Variants in PSMA6 observed in about 807,000 individuals in gnomAD.
PSMA6 encodes proteasome 20S subunit alpha 6.
For missense variants in PSMA6, 170 were observed against 294.8 expected, an observed-to-expected ratio of 0.58 and a Z score of 3.10; for synonymous variants, 88 against 97.7, an observed-to-expected ratio of 0.90 and a Z score of 0.59.
intron 3 of PSMA6, among the ~76,000 whole-genome samples, chr14:35,309,739 T>C (rs917074858): frequency 1.6e-4 from 24 of 152,290 alleles, no homozygotes; most frequent in Middle Eastern, 3.4e-3. Context: ...GAGGTTGCAG[T>C]GAGCTGAGAT....
intron 3 of PSMA6, 27 bp downstream of exon 3, chr14:35,309,022 A>G (rs1196453803): frequency 7.0e-7 from 1 of 1,420,602 alleles, no homozygotes; most frequent in African/African-American, 1.4e-5. Context: ...TATACAAGAC[A>G]TCTGTAGATA....
chr14:35,311,568 G>T (rs965777252), intron 4 of PSMA6, among the ~76,000 whole-genome samples: 2 of 152,140 alleles, frequency 1.3e-5, no homozygotes, highest in East Asian at 1.9e-4. Flanking sequence ...AGTATTTGTT[G>T]TTTCCCCAAG....
intron 6 of PSMA6, 27 bp from the exon 7 acceptor site, chr14:35,317,222 T>C (rs1486441470): frequency 1.2e-6 from 2 of 1,604,646 alleles, no homozygotes; most frequent in South Asian, 2.2e-5. Context: ...TTTAAATCGT[T>C]GTTTTTTTCC....
At chr14:35,287,166 A>G (rs1483636228) in intron 1 of PSMA6, among the ~76,000 whole-genome samples, 1 of 152,174 alleles carries the variant, frequency 6.6e-6, no homozygotes, top group African/African-American at 2.4e-5. Context: ...AAAAAGGGAA[A>G]GATACAGAGC....
chr14:35,286,378 C>T (rs1277130881), intron 1 of PSMA6, among the ~76,000 whole-genome samples: 3 of 152,176 alleles, frequency 2.0e-5, no homozygotes, highest in Non-Finnish European at 4.4e-5. Flanking sequence ...TAAAAACCAC[C>T]AACGGTTAAG....
At chr14:35,291,543 C>T (rs2051480491), upstream of PSMA6, among the ~76,000 whole-genome samples, 1 of 150,862 alleles carries the variant, frequency 6.6e-6, no homozygotes, top group Admixed American at 6.6e-5. Context: ...CTAAAAATTG[C>T]CTGGGCACTG....
At chr14:35,296,735 C>G (rs1157001580) in intron 1 of PSMA6, among the ~76,000 whole-genome samples, 1 of 152,176 alleles carries the variant, frequency 6.6e-6, no homozygotes, top group African/African-American at 2.4e-5. Context: ...CCATTTGCCT[C>G]TTTTGCAATT....
chr14:35,311,298 T>C lies in PSMA6; in HGVS notation c.409+403T>C, dbSNP rs937310341. On this transcript the variant is annotated intron_variant, in intron 4 of 6. Coordinates refer to ENST00000261479, the MANE Select transcript of PSMA6 (RefSeq NM_002791.3). Reference sequence around the variant, plus strand: ...ATTAGGGTCACACACAGGTGTGTAATTCACATTTTTAGAATAAATTTCTAT... The same window carrying C: ...ATTAGGGTCACACACAGGTGTGTAACTCACATTTTTAGAATAAATTTCTAT... 3.9e-5 allele frequency among the ~76,000 whole-genome samples: 6 copies of C among 152,350 alleles called. No homozygotes were observed. In the East Asian group the frequency reaches 1.2e-3, roughly 29 times the overall value.
chr14:35,300,820 A>G (rs2051697103), intron 1 of PSMA6, among the ~76,000 whole-genome samples: 1 of 152,212 alleles, frequency 6.6e-6, no homozygotes, highest in South Asian at 2.1e-4. Flanking sequence ...GCAGGAGGTT[A>G]GAGTCAAGAG....
chr14:35,299,890 T>C (rs1566556194), intron 1 of PSMA6, among the ~76,000 whole-genome samples: 1 of 152,156 alleles, frequency 6.6e-6, no homozygotes, highest in Non-Finnish European at 1.5e-5. Flanking sequence ...AAAAAGGTAT[T>C]ACAGGAAGTG....
chr14:35,279,422 C>T (rs963944856), intron 1 of PSMA6, among the ~76,000 whole-genome samples: 1 of 152,150 alleles, frequency 6.6e-6, no homozygotes, highest in Non-Finnish European at 1.5e-5. Context: ...TGCTGGACAC[C>T]ATAAAATAGT....
At chr14:35,299,926 A>G (rs970905036) in intron 1 of PSMA6, among the ~76,000 whole-genome samples, 2 of 152,196 alleles carry the variant, frequency 1.3e-5, no homozygotes, top group Non-Finnish European at 2.9e-5. Context: ...GAGCCGGGAA[A>G]GGCTTCTCAG....
rs564094612 is a variant in PSMA6 at position 35,282,847 on chromosome 14, C to T, written c.19+4129C>T. Among the ~76,000 whole-genome samples, 3 of 151,858 alleles carry T rather than the reference C, an allele frequency of 2.0e-5. No homozygotes were observed. The East Asian group carries it at 6.0e-4, about 30-fold the overall frequency. Reference sequence around the variant, plus strand: ...TCCAGCCTGGGCAACAGAGTGAGACCCACACAGCCTGGGCAACAGAGTGAG... The same window carrying T: ...TCCAGCCTGGGCAACAGAGTGAGACTCACACAGCCTGGGCAACAGAGTGAG... On this transcript the variant is annotated intron_variant, in intron 1 of 6. Transcript: ENST00000540871.
At chr14:35,317,142 A>C in intron 6 of PSMA6, 107 bp from the exon 7 acceptor site, 2 of 770,606 alleles carry the variant, frequency 2.6e-6, no homozygotes, top group Non-Finnish European at 4.6e-6. Flanking sequence ...GATAATTGTT[A>C]AAGTAGGTTG....
intron 4 of PSMA6, 184 bp from the exon 5 acceptor site, chr14:35,312,697 T>C: frequency 2.0e-6 from 1 of 489,160 alleles, no homozygotes; most frequent in African/African-American, 2.0e-5. Flanking sequence ...AAATGGGAAT[T>C]TACCTGTTAC....
At chr14:35,278,713 G>C in exon 1 of PSMA6, 10 of 1,534,392 alleles carry the variant, frequency 6.5e-6, no homozygotes, top group Non-Finnish European at 8.7e-6. Flanking sequence ...GCAGGTCTTC[G>C]GAGAGGTAAG....
chr14:35,291,845 A>AAC (rs1555335878), upstream of PSMA6, among the ~76,000 whole-genome samples: 6,560 of 146,150 alleles, frequency 0.045, 215 homozygotes, highest in Middle Eastern at 0.073. Context: ...AAAAAAAAAA[A>AAC]AAGACTAAAA....
In PSMA6 at chr14:35,309,005, C is replaced by G. The variant is rs1261377456; in HGVS notation, c.253+10C>G. ...ATGACCGGAATGACAGGTAATTAAT[C>G]TGTAGATATACAAGACATCTGTAGA... On this transcript the variant is annotated intron_variant, in intron 3 of 6. Transcript: ENST00000261479. 1 of 1,559,928 alleles carries G rather than the reference C, an allele frequency of 6.4e-7. No individual in the cohort carries two copies. The highest frequency in any genetic ancestry group is 8.8e-7 in the Non-Finnish European group (1 of 1,134,532).
intron 6 of PSMA6, chr14:35,317,044 A>C: frequency 2.0e-6 from 1 of 490,278 alleles, no homozygotes; most frequent in East Asian, 3.2e-5. Flanking sequence ...GTATAGGTGA[A>C]GGTGGTATAA....
Sources: gnomAD v4.1 joint callset for allele counts (sites outside exome capture counted in the v4.1 genomes callset) on GRCh38, gnomAD v4.1.1 for gene constraint, MANE v1.5 for transcripts, NCBI Gene and HGNC (gene_info 2026-07-23, HGNC 2026-07-21) for gene names.